EPHA5: variants seen among roughly 807,000 people sequenced by gnomAD.
The protein encoded by EPHA5 is EPH receptor A5, also known as ephrin type-A receptor 5.
Under a neutral mutation model 105.0 loss-of-function variants are expected in EPHA5, and 60 were observed. The observed-to-expected ratio is 0.57, with a 90% CI of 0.46 to 0.71. EPHA5 has a LOEUF of 0.71. EPHA5 is among the 30% of genes least tolerant of loss of function. The pLI, the probability that EPHA5 is intolerant of heterozygous loss-of-function variation, is 0.00. For missense variants in EPHA5, 1,218 were observed against 1,274.7 expected (o/e 0.96, Z 0.68); for synonymous variants, 513 against 449.1 (o/e 1.14, Z -1.80).
chr4:65,518,699 T>C (rs577013907), intron 3 of EPHA5, among the ~76,000 whole-genome samples: 1 of 152,118 alleles, frequency 6.6e-6, no homozygotes, highest in South Asian at 2.1e-4. Flanking sequence ...TTGGCAAAGC[T>C]TCTGAAGAGG....
In EPHA5 at chr4:65,351,496, G is replaced by C. The variant is rs2148854898; in HGVS notation, c.2338C>G (p.Leu780Val). The C allele has an allele frequency of 6.2e-7, 1 of 1,613,802 alleles. No homozygotes were observed. The highest frequency in any genetic ancestry group is 1.1e-5 in the South Asian group (1 of 91,078). ...TTGATTAAGATGTTTCTGGCAGCAA[G>C]ATCTCTATGCACATAGCCCATGTCA... The part of the protein sequence containing the change: ...LSDMGYVHRD[L>V]AARNILINSN... The change falls in exon 13 of 17, where the codon CTT (leucine) becomes GTT (valine). Residue 780 changes from leucine (L) to valine (V), a missense_variant. By Grantham distance (32) the Leu-to-Val change is conservative (BLOSUM62 1). Transcript: ENST00000613740.
At chr4:65,513,807 T>C (rs1733854188) in intron 3 of EPHA5, among the ~76,000 whole-genome samples, 1 of 152,308 alleles carries the variant, frequency 6.6e-6, no homozygotes, top group East Asian at 1.9e-4. Flanking sequence ...AAATTTATTG[T>C]CTATTATATG....
At chr4:65,534,196 T>G (rs997942618) in intron 3 of EPHA5, among the ~76,000 whole-genome samples, 1 of 152,158 alleles carries the variant, frequency 6.6e-6, no homozygotes, top group African/African-American at 2.4e-5. Flanking sequence ...TGAAAGTAAT[T>G]GTGTTTTTTG....
At chr4:65,399,498 G>T (rs1721602605) in intron 8 of EPHA5, among the ~76,000 whole-genome samples, 1 of 152,188 alleles carries the variant, frequency 6.6e-6, no homozygotes, top group Non-Finnish European at 1.5e-5. Flanking sequence ...AGAGGCTTCT[G>T]CCTGGAAAAG....
intron 5 of EPHA5, among the ~76,000 whole-genome samples, chr4:65,454,296 A>G (rs77536127): frequency 0.056 from 8,457 of 151,690 alleles, 787 homozygotes; most frequent in African/African-American, 0.19. Flanking sequence ...ATAATAAATA[A>G]TAATAATAAT....
chr4:65,583,465 C>T (rs977400467), intron 3 of EPHA5, among the ~76,000 whole-genome samples: 9 of 151,554 alleles, frequency 5.9e-5, no homozygotes, highest in African/African-American at 1.5e-4. Context: ...TTAAAGTACA[C>T]GAATCAATTT....
chr4:65,589,865 G>A (rs995103501), intron 3 of EPHA5, among the ~76,000 whole-genome samples: 1 of 152,102 alleles, frequency 6.6e-6, no homozygotes, highest in Non-Finnish European at 1.5e-5. Context: ...GAAAACGCTG[G>A]TGAAATCACA....
intron 5 of EPHA5, among the ~76,000 whole-genome samples, chr4:65,482,734 T>C (rs1255623061): frequency 6.6e-6 from 1 of 152,162 alleles, no homozygotes; most frequent in South Asian, 2.1e-4. Flanking sequence ...GCCACTTAAA[T>C]GAAGAGAAAC....
At chr4:65,549,969 A>T in intron 3 of EPHA5, among the ~76,000 whole-genome samples, 1 of 152,246 alleles carries the variant, frequency 6.6e-6, no homozygotes, top group Non-Finnish European at 1.5e-5. Flanking sequence ...AAAACTAAAT[A>T]TATTGCAGTA....
At chr4:65,620,206 A>T (rs72642668) in intron 2 of EPHA5, among the ~76,000 whole-genome samples, 45,927 of 150,380 alleles carry the variant, frequency 0.31, 7,151 homozygotes, top group Non-Finnish European at 0.33. Flanking sequence ...AAACATTGTA[A>T]ATATTTTAAC....
chr4:65,494,622 AGATGTGGCTATAT>A (rs1447396138), intron 4 of EPHA5, among the ~76,000 whole-genome samples: 2 of 152,218 alleles, frequency 1.3e-5, no homozygotes, highest in Non-Finnish European at 2.9e-5. Flanking sequence ...AAATGTTGAA[AGATGTGGCTATAT>A]CTACTGCAAA....
At chr4:65,492,952 C>G (rs1332719446) in intron 4 of EPHA5, among the ~76,000 whole-genome samples, 2 of 150,060 alleles carry the variant, frequency 1.3e-5, no homozygotes, top group African/African-American at 2.5e-5. Context: ...AGAAATATCT[C>G]TAAGTTAGAA....
intron 3 of EPHA5, among the ~76,000 whole-genome samples, chr4:65,531,954 G>A (rs1735846652): frequency 6.6e-6 from 1 of 152,162 alleles, no homozygotes; most frequent in African/African-American, 2.4e-5. Flanking sequence ...ATAAGGCCAT[G>A]TGTATACGAG....
At chr4:65,590,497 A>G (rs886676433) in intron 3 of EPHA5, among the ~76,000 whole-genome samples, 12 of 152,178 alleles carry the variant, frequency 7.9e-5, no homozygotes, top group Admixed American at 2.6e-4. Flanking sequence ...TACACTTCCT[A>G]GAAAGAACTA....
intron 3 of EPHA5, among the ~76,000 whole-genome samples, chr4:65,600,131 A>T (rs898944123): frequency 1.7e-4 from 26 of 152,298 alleles, no homozygotes; most frequent in Admixed American, 9.2e-4. Context: ...TTTAGACAGA[A>T]ATATATTCAA....
intron 5 of EPHA5, among the ~76,000 whole-genome samples, chr4:65,459,829 C>G (rs1216575958): frequency 6.6e-6 from 1 of 151,248 alleles, no homozygotes; most frequent in Non-Finnish European, 1.5e-5. Context: ...TAAAGGAAAT[C>G]TAAAAAAGAA....
intron 5 of EPHA5, among the ~76,000 whole-genome samples, chr4:65,451,114 G>A (rs1260930353): frequency 6.6e-6 from 1 of 152,124 alleles, no homozygotes; most frequent in African/African-American, 2.4e-5. Flanking sequence ...ACATGATAAA[G>A]CTGCCTCACA....
intron 3 of EPHA5, among the ~76,000 whole-genome samples, chr4:65,535,698 G>T (rs1736222916): frequency 6.6e-6 from 1 of 151,928 alleles, no homozygotes; most frequent in South Asian, 2.1e-4. Flanking sequence ...ATATTGAGTT[G>T]AAGGTGATGA....
chr4:65,587,149 C>T (rs1742201410), intron 3 of EPHA5, among the ~76,000 whole-genome samples: 1 of 152,064 alleles, frequency 6.6e-6, no homozygotes, highest in African/African-American at 2.4e-5. Context: ...CTTGTACCTG[C>T]TAAATGTGTA....
Sources: gnomAD v4.1 joint callset for allele counts (sites outside exome capture counted in the v4.1 genomes callset) on GRCh38, gnomAD v4.1.1 for gene constraint, MANE v1.5 for transcripts, NCBI Gene and HGNC (gene_info 2026-07-23, HGNC 2026-07-21) for gene names.